Variants in MEF2C observed in about 807,000 individuals in gnomAD.
MEF2C encodes the protein myocyte-specific enhancer factor 2C.
A neutral mutation model predicts 50.5 loss-of-function variants in MEF2C; 6 were observed. The ratio of observed to expected loss-of-function variants is 0.12; its 90% CI spans 0.07 to 0.23. MEF2C has a LOEUF of 0.23. Ranked by LOEUF, MEF2C falls within the 10% of genes least tolerant of loss-of-function variation. MEF2C has a pLI of 1.00. For synonymous variants in MEF2C, 183 were observed against 228.0 expected, an observed-to-expected ratio of 0.80 and a Z score of 1.78; for missense variants, 276 against 605.0, an observed-to-expected ratio of 0.46 and a Z score of 5.70.
In MEF2C at chr5:88,738,303, T is replaced by C. The variant is rs926000094; in HGVS notation, c.638-6402A>G. Reference sequence around the variant, plus strand: ...TATTAGCAATCGCTAACACAGTGTATAGTATTATTTACCAACAACACAACA... The same window carrying C: ...TATTAGCAATCGCTAACACAGTGTACAGTATTATTTACCAACAACACAACA... On this transcript the variant is annotated intron_variant, in intron 6 of 10. Transcript: ENST00000504921. 13 of 985,186 alleles carry C rather than the reference T, an allele frequency of 1.3e-5. No homozygotes were observed. In the East Asian group the frequency reaches 9.1e-4, roughly 69 times the overall value. The allele number at this position is 985,186 out of a possible 1,614,324, so 61.0% of individuals were successfully genotyped here. A position where few individuals can be genotyped will look rare whatever the true frequency, so the allele number is the denominator to read the frequency against.
chr5:88,891,915 G>A (rs915783234), intron 1 of MEF2C, among the ~76,000 whole-genome samples: 36 of 151,972 alleles, frequency 2.4e-4, no homozygotes, highest in Admixed American at 2.6e-4. Context: ...TATTAATTCT[G>A]CTCTTTTATA....
At chr5:88,765,593 C>T (rs995242369) in intron 3 of MEF2C, among the ~76,000 whole-genome samples, 3 of 152,154 alleles carry the variant, frequency 2.0e-5, no homozygotes, top group Non-Finnish European at 4.4e-5. Flanking sequence ...ATTATTCCTT[C>T]GGGCCCTTTT....
At chr5:88,820,592 C>T (rs1289618723) in intron 2 of MEF2C, among the ~76,000 whole-genome samples, 1 of 151,916 alleles carries the variant, frequency 6.6e-6, no homozygotes, top group African/African-American at 2.4e-5. Context: ...GCTAAATAAA[C>T]AAGTGCAATG....
chr5:88,728,572 C>G lies in MEF2C; in HGVS notation c.1021G>C (p.Ala341Pro). ...CCAGTTACTGAACCAAGGTGAAGAG[C>G]GCTGGCGGTGTTAAACCCAGACAGA... is the stretch of plus-strand genomic sequence containing the variant. ...SSLSGFNTASALHLGSVTGWQ... is the reference protein window; with the variant it reads ...SSLSGFNTASPLHLGSVTGWQ... Residue 341 changes from alanine (A) to proline (P), a missense_variant, in exon 10 of 11, where the codon GCT becomes CCT. By Grantham distance (27) the Ala-to-Pro change is conservative (BLOSUM62 -1). Around this residue, in one of 2 missense-constraint regions of MEF2C, gnomAD observed 256 missense variants for 468.1 expected, o/e 0.55. Transcript: ENST00000504921. The G allele has an allele frequency of 2.0e-6, 3 of 1,532,702 alleles. No homozygotes were observed. Among genetic ancestry groups the G allele is most frequent in the Non-Finnish European group, 1.8e-6 (2 of 1,136,200 alleles). 94.9% of individuals were successfully genotyped at this position (1,532,702 alleles called of 1,614,324 possible).
intron 9 of MEF2C, 141 bp from the exon 10 acceptor site, chr5:88,728,769 G>C: frequency 1.7e-6 from 1 of 604,902 alleles, no homozygotes; most frequent in East Asian, 3.4e-5. Context: ...GAGGGGAGGG[G>C]AGATAAAGCA....
At chr5:88,732,006 T>C in intron 6 of MEF2C, 105 bp from the exon 7 acceptor site, 1 of 1,046,394 alleles carries the variant, frequency 9.6e-7, no homozygotes, top group Non-Finnish European at 1.4e-6. Context: ...TGGTAAGACG[T>C]ACATTGCAAA....
intron 1 of MEF2C, among the ~76,000 whole-genome samples, chr5:88,875,324 G>A (rs1323356677): frequency 5.3e-5 from 8 of 151,920 alleles, no homozygotes; most frequent in Non-Finnish European, 1.2e-4. Context: ...ATCATTTAAA[G>A]TGTGGGTGTT....
At chr5:88,757,055 A>G (rs1775695941) in intron 4 of MEF2C, among the ~76,000 whole-genome samples, 2 of 151,994 alleles carry the variant, frequency 1.3e-5, no homozygotes, top group African/African-American at 4.8e-5. Context: ...GTGCAGCCCT[A>G]TGAGAACAGG....
intron 3 of MEF2C, among the ~76,000 whole-genome samples, chr5:88,784,459 C>G (rs1295156590): frequency 6.6e-5 from 10 of 152,138 alleles, no homozygotes; most frequent in Non-Finnish European, 1.5e-4. Context: ...ACTAAAATAA[C>G]TATATTATTT....
intron 1 of MEF2C, among the ~76,000 whole-genome samples, chr5:88,868,979 C>T (rs914957724): frequency 1.3e-5 from 2 of 151,760 alleles, no homozygotes; most frequent in African/African-American, 2.4e-5. Flanking sequence ...AACAAGGATT[C>T]CTTTTTCTTT....
intron 3 of MEF2C, among the ~76,000 whole-genome samples, chr5:88,788,694 T>C (rs980666399): frequency 6.6e-6 from 1 of 152,250 alleles, no homozygotes; most frequent in Admixed American, 6.5e-5. Context: ...ATTATATTTA[T>C]ATTTGTATAG....
chr5:88,757,340 C>T (rs1022926373), intron 4 of MEF2C, among the ~76,000 whole-genome samples: 1 of 151,992 alleles, frequency 6.6e-6, no homozygotes, highest in African/African-American at 2.4e-5. Context: ...ACTGAATCTT[C>T]CCCCCACCCT....
intron 2 of MEF2C, among the ~76,000 whole-genome samples, chr5:88,811,030 A>G (rs181848349): frequency 1.2e-4 from 19 of 152,250 alleles, no homozygotes; most frequent in Admixed American, 4.6e-4. Context: ...CTAAAGTTTT[A>G]GCGTTCTATA....
Position 88,808,357 on chromosome 5 carries a change from T to C in MEF2C, c.55-3556A>G, listed in dbSNP as rs563704696. ...ATATGTGGAATGTCTCAATACAGTA[T>C]GGTTTCTGTTGTACTCAGACCTCAG... On this transcript the variant is annotated intron_variant, in intron 2 of 10. Transcript: ENST00000504921. Among the ~76,000 whole-genome samples the C allele has an allele frequency of 5.9e-5, 9 of 152,288 alleles. No individual in the cohort carries two copies. In the East Asian group the frequency reaches 7.7e-4, roughly 13 times the overall value.
chr5:88,801,970 T>A (rs1488047664), intron 3 of MEF2C, among the ~76,000 whole-genome samples: 4 of 152,210 alleles, frequency 2.6e-5, no homozygotes, highest in Admixed American at 6.5e-5. Context: ...ATTACTAAAA[T>A]GTGGAAAAGC....
intron 3 of MEF2C, among the ~76,000 whole-genome samples, chr5:88,792,220 A>G (rs901883115): frequency 2.0e-5 from 3 of 152,130 alleles, no homozygotes; most frequent in Non-Finnish European, 4.4e-5. Flanking sequence ...TCATCTTTCC[A>G]TTCACAAGCT....
chr5:88,850,603 C>T (rs886774088), intron 1 of MEF2C, among the ~76,000 whole-genome samples: 6 of 151,824 alleles, frequency 4.0e-5, no homozygotes, highest in African/African-American at 1.5e-4. Flanking sequence ...GCCCAGAATG[C>T]CCTTCACTTC....
intron 1 of MEF2C, among the ~76,000 whole-genome samples, chr5:88,864,139 G>GTTTTTT (rs75251768): frequency 1.8e-5 from 1 of 54,290 alleles, no homozygotes. Flanking sequence ...CATGTTTTCT[G>GTTTTTT]TTTTTTTTTT....
intron 8 of MEF2C, among the ~76,000 whole-genome samples, chr5:88,729,764 T>C (rs1398041402): frequency 6.6e-6 from 1 of 152,160 alleles, no homozygotes; most frequent in Non-Finnish European, 1.5e-5. Context: ...TAGGGGCTCA[T>C]GTTATATTTT....
Sources: allele counts gnomAD v4.1 joint callset (sites outside exome capture counted in the v4.1 genomes callset), GRCh38; gene constraint gnomAD v4.1.1; regional missense constraint gnomAD v4.1.1; transcripts MANE v1.5; gene names NCBI Gene and HGNC (gene_info 2026-07-23, HGNC 2026-07-21).